The following PRTG variants were observed in gnomAD, a reference collection of about 807,000 sequenced individuals.
PRTG encodes immunoglobulin superfamily, DCC subclass, member 5.
Under a neutral mutation model 122.5 loss-of-function variants are expected in PRTG, and 67 were observed. The ratio of observed to expected loss-of-function variants is 0.55; its 90% CI spans 0.45 to 0.67. The LOEUF (loss-of-function observed/expected upper bound fraction) is 0.67, where lower values mean the gene tolerates loss of function less well. Among genes scored for constraint, PRTG ranks in the 30% least tolerant of loss-of-function variants. PRTG has a pLI of 0.00. For missense variants in PRTG, 1,435 were observed against 1,415.4 expected (o/e 1.01, Z -0.22); for synonymous variants, 554 against 501.1 (o/e 1.11, Z -1.41).
rs185846244 is a variant in PRTG at position 55,720,775 on chromosome 15, C to T, written c.397+19607G>A. Among the ~76,000 whole-genome samples the T allele has an allele frequency of 1.8e-4, 28 of 152,298 alleles. No homozygotes were observed. In the South Asian group the frequency reaches 3.1e-3, roughly 17 times the overall value. On this transcript the variant is annotated intron_variant, in intron 2 of 19. Coordinates refer to ENST00000389286, the MANE Select transcript of PRTG (RefSeq NM_173814.6). ...ATTGCCATGGGTCACACATAAAACA[C>T]GCTAACACTAATGATAGGTGATGAG...
chr15:55,724,281 G>A (rs116658000), intron 2 of PRTG, among the ~76,000 whole-genome samples: 2,667 of 152,112 alleles, frequency 0.018, 88 homozygotes, highest in African/African-American at 0.062. Flanking sequence ...TTGTGTTGAG[G>A]TCTCCAGCTT....
At chr15:55,715,439 T>C (rs961781126) in intron 2 of PRTG, among the ~76,000 whole-genome samples, 4 of 152,200 alleles carry the variant, frequency 2.6e-5, no homozygotes, top group East Asian at 3.8e-4. Context: ...GAATCAGGAA[T>C]CCTTATGCCT....
chr15:55,738,855 AG>A (rs1481155191), intron 2 of PRTG, among the ~76,000 whole-genome samples: 1 of 123,372 alleles, frequency 8.1e-6, no homozygotes, highest in Non-Finnish European at 1.6e-5. Flanking sequence ...TAGGCAGAGG[AG>A]GGGAGGGAAG....
chr15:55,708,171 A>T (rs1242552112), intron 2 of PRTG, among the ~76,000 whole-genome samples: 2 of 149,978 alleles, frequency 1.3e-5, no homozygotes, highest in African/African-American at 2.5e-5. Context: ...AAAAAAAAAA[A>T]AAAAAACAGA....
chr15:55,727,046 T>A (rs2031061074), intron 2 of PRTG, among the ~76,000 whole-genome samples: 1 of 151,360 alleles, frequency 6.6e-6, no homozygotes, highest in African/African-American at 2.4e-5. Flanking sequence ...GCTATAAACA[T>A]ATTTAAAAAG....
chr15:55,711,386 G>A (rs2030381605), intron 2 of PRTG, among the ~76,000 whole-genome samples: 1 of 152,072 alleles, frequency 6.6e-6, no homozygotes, highest in South Asian at 2.1e-4. Flanking sequence ...TCAAGCTGCT[G>A]TCCTCAAGGG....
intron 2 of PRTG, among the ~76,000 whole-genome samples, chr15:55,738,868 A>G (rs1390313710): frequency 7.5e-6 from 1 of 133,922 alleles, no homozygotes; most frequent in East Asian, 2.4e-4. Flanking sequence ...GGAGGGAAGG[A>G]AGGGACAGGA....
chr15:55,708,761 G>A (rs1273877732), intron 2 of PRTG, among the ~76,000 whole-genome samples: 1 of 152,044 alleles, frequency 6.6e-6, no homozygotes. Flanking sequence ...GCTTAGCCAG[G>A]GTTATTTCAA....
Position 55,680,593 on chromosome 15 carries a change from T to C in PRTG, c.712A>G (p.Ile238Val). Reference protein sequence around the residue: ...ESKSFHTPTIIAGPQNITTSL... With the variant: ...ESKSFHTPTIVAGPQNITTSL... Reference sequence around the variant, plus strand: ...GTTGTTATGTTCTGTGGACCTGCTATAATTGTTGGTGTGTGGAAGGATTTT... The same window carrying C: ...GTTGTTATGTTCTGTGGACCTGCTACAATTGTTGGTGTGTGGAAGGATTTT... The change falls in exon 5 of 20, where the codon ATA becomes GTA. Residue 238 changes from isoleucine to valine, a missense_variant. Ile to Val is a conservative substitution (Grantham distance 29). Transcript: ENST00000389286. 6.4e-7 allele frequency: 1 copy of C among 1,574,556 alleles called. No individual in the cohort carries two copies. Among genetic ancestry groups the C allele is most frequent in the Non-Finnish European group, 8.6e-7 (1 of 1,158,564 alleles).
chr15:55,647,936 T>C (rs1382938088), intron 11 of PRTG, among the ~76,000 whole-genome samples: 1 of 152,226 alleles, frequency 6.6e-6, no homozygotes. Context: ...TTGCGTATAC[T>C]ATTGAAACAA....
At position 55,742,940 on chromosome 15, in the gene PRTG, G is replaced by A. The variant is rs1322278712; in HGVS notation, c.-9C>T. Reference sequence around the variant, plus strand: ...CGCAGAGGAGGCGCCATTCAGCGTAGCCGCGCGGGCATGCTCCCCGGCCGC... The same window carrying A: ...CGCAGAGGAGGCGCCATTCAGCGTAACCGCGCGGGCATGCTCCCCGGCCGC... On this transcript the variant is annotated 5_prime_UTR_variant, in exon 1 of 20. Coordinates refer to ENST00000389286, the MANE Select transcript of PRTG (RefSeq NM_173814.6). 1 of 1,512,388 alleles carries A rather than the reference G, an allele frequency of 6.6e-7. No homozygotes were observed. The highest frequency in any genetic ancestry group is 2.8e-5 in the East Asian group (1 of 35,820). 93.7% of individuals were successfully genotyped at this position (1,512,388 alleles called of 1,614,324 possible). A position where few individuals can be genotyped will look rare whatever the true frequency, so the allele number is the denominator to read the frequency against.
intron 2 of PRTG, among the ~76,000 whole-genome samples, chr15:55,722,032 T>A (rs1417049009): frequency 6.6e-6 from 1 of 152,160 alleles, no homozygotes; most frequent in Non-Finnish European, 1.5e-5. Flanking sequence ...TCCCCCAGAC[T>A]TGGAGATGCA....
rs183575604 is a variant in PRTG, at chr15:55,662,959, T to A, written c.2041+9486A>T. Among the ~76,000 whole-genome samples, 5 of 152,288 alleles carry A rather than the reference T, an allele frequency of 3.3e-5. No individual in the cohort carries two copies. In the East Asian group the frequency reaches 9.6e-4, roughly 29 times the overall value. ...CCCATATATTAAGCTGCTATAGACA[T>A]CTCCACTGGGACACCAACCTTTCCA... On this transcript the variant is annotated intron_variant, in intron 11 of 19. Transcript: ENST00000389286.
At chr15:55,680,440 T>C in intron 5 of PRTG, 51 bp downstream of exon 5, 2 of 1,511,132 alleles carry the variant, frequency 1.3e-6, no homozygotes, top group Non-Finnish European at 8.9e-7. Context: ...TTCATTAGAA[T>C]GAACAAAATT....
chr15:55,626,016 G>C (rs776063711), intron 17 of PRTG, among the ~76,000 whole-genome samples: 2 of 152,144 alleles, frequency 1.3e-5, no homozygotes, highest in African/African-American at 4.8e-5. Context: ...ACTTCCCAAA[G>C]GTCTGGGATT....
At position 55,671,642 on chromosome 15, in the gene PRTG, G is replaced by A. The variant is rs116973263; in HGVS notation, c.2041+803C>T. Among the ~76,000 whole-genome samples the A allele has an allele frequency of 9.9e-3, 1,507 of 152,232 alleles. 19 individuals are homozygous for A. The highest frequency in any genetic ancestry group is 0.011 in the Non-Finnish European group (737 of 68,002). Reference sequence around the variant, plus strand: ...GCCTCCCAAGTAGCTAGGATTACAGGAGCGTGCCACCAGGCTCAGCTAATT... The same window carrying A: ...GCCTCCCAAGTAGCTAGGATTACAGAAGCGTGCCACCAGGCTCAGCTAATT... On this transcript the variant is annotated intron_variant, in intron 11 of 19. Transcript: ENST00000389286.
At chr15:55,722,566 G>A (rs2030865627) in intron 2 of PRTG, among the ~76,000 whole-genome samples, 4 of 152,146 alleles carry the variant, frequency 2.6e-5, no homozygotes, top group Middle Eastern at 3.4e-3. Context: ...AAACTAAAAC[G>A]AAGAAAGTCA....
intron 17 of PRTG, among the ~76,000 whole-genome samples, chr15:55,625,586 C>T (rs1010513146): frequency 2.6e-5 from 4 of 151,370 alleles, no homozygotes; most frequent in East Asian, 3.9e-4. Flanking sequence ...TAAGCAGCTA[C>T]GACTACAGTC....
Position 55,637,296 on chromosome 15 carries a change from C to T in PRTG, c.2497G>A (p.Asp833Asn), listed in dbSNP as rs775909851. 9.9e-6 allele frequency: 16 copies of T among 1,613,742 alleles called. No homozygotes were observed. The South Asian group carries it at 1.8e-4, about 18-fold the overall frequency. ...PVGVKVTLIE[D>N]DTALVSWKPP... ...TTCCAAGAAACCAGGGCAGTGTCAT[C>T]CTCTATTAATGTCACTTTTACTCCA... Residue 833 changes from aspartate (D) to asparagine (N), a missense_variant, in exon 15 of 20, where the codon GAT (aspartate) becomes AAT (asparagine). Physicochemically the swap from Asp to Asn is conservative, Grantham distance 23. Coordinates refer to ENST00000389286, the MANE Select transcript of PRTG (RefSeq NM_173814.6).
Sources: gnomAD v4.1 joint callset for allele counts (sites outside exome capture counted in the v4.1 genomes callset) on GRCh38, gnomAD v4.1.1 for gene constraint, MANE v1.5 for transcripts, NCBI Gene and HGNC (gene_info 2026-07-23, HGNC 2026-07-21) for gene names.